LOXHD1: variants seen among roughly 807,000 people sequenced by gnomAD.
The protein encoded by LOXHD1 is lipoxygenase homology PLAT domains 1.
In LOXHD1, 205 loss-of-function variants were observed where a neutral mutation model predicts 248.2. The observed-to-expected ratio is 0.83, with a 90% CI of 0.74 to 0.93. The LOEUF (loss-of-function observed/expected upper bound fraction) is 0.93, where lower values mean the gene tolerates loss of function less well. Ranked by LOEUF, LOXHD1 falls within the 40% of genes least tolerant of loss-of-function variation. The pLI is 0.00. For synonymous variants in LOXHD1, 1,113 were observed against 1,162.8 expected (o/e 0.96, Z 0.87); for missense variants, 2,930 against 2,971.6 (o/e 0.99, Z 0.33).
intron 29 of LOXHD1, 30 bp downstream of exon 29, chr18:46,529,147 A>G: frequency 6.4e-7 from 1 of 1,551,040 alleles, no homozygotes; most frequent in Non-Finnish European, 8.7e-7. Flanking sequence ...AGAGGAGGGA[A>G]GGAGGGTAAA....
chr18:46,542,576 T>G, intron 24 of LOXHD1, 151 bp downstream of exon 24: 1 of 915,908 alleles, frequency 1.1e-6, no homozygotes, highest in Non-Finnish European at 1.6e-6. Context: ...GAGGACTCTC[T>G]CGGCTCTACT....
chr18:46,569,473 T>G lies in LOXHD1; in HGVS notation c.2213A>C (p.Glu738Ala), dbSNP rs1432153726. ...AATGTTCAGGGTCTCGAGGGTGAAC[T>G]CATCCACCCGGCCACGTTCAAAGTA... The part of the protein sequence containing the change: ...KDYFERGRVD[E>A]FTLETLNIGN... The change falls in exon 16 of 41, where the codon GAG becomes GCG. Residue 738 changes from glutamate to alanine, a missense_variant. Glu to Ala is a moderately radical substitution (Grantham distance 107). Coordinates refer to ENST00000642948, the MANE Select transcript of LOXHD1 (RefSeq NM_001384474.1). 6.4e-7 allele frequency: 1 copy of G among 1,552,072 alleles called. No homozygotes were observed. Among genetic ancestry groups the G allele is most frequent in the Non-Finnish European group, 8.7e-7 (1 of 1,147,096 alleles).
At chr18:46,498,809 G>T (rs757513002) in intron 37 of LOXHD1, among the ~76,000 whole-genome samples, 6 of 152,152 alleles carry the variant, frequency 3.9e-5, no homozygotes, top group Non-Finnish European at 8.8e-5. Context: ...CACATTCTGA[G>T]GTTCTTGGTG....
intron 3 of LOXHD1, among the ~76,000 whole-genome samples, chr18:46,641,007 C>G (rs2038956152): frequency 3.3e-5 from 5 of 152,130 alleles, no homozygotes; most frequent in Admixed American, 3.3e-4. Flanking sequence ...GGATGTATGC[C>G]TCTGTCTGGC....
intron 21 of LOXHD1, chr18:46,556,701 A>C (rs1186877303): frequency 5.7e-6 from 1 of 174,970 alleles, no homozygotes; most frequent in Non-Finnish European, 1.2e-5. Flanking sequence ...CTCGGATGTC[A>C]CAGCCAGCTC....
chr18:46,477,339 C>T lies in LOXHD1; in HGVS notation c.*133G>A, dbSNP rs1030665554. ...CTGGGGGTAGGGTGGGGAGCAGGAC[C>T]CCATGAAGTTCTCAGTGGACTGCTA... On this transcript the variant is annotated 3_prime_UTR_variant, in exon 41 of 41. Coordinates refer to ENST00000642948, the MANE Select transcript of LOXHD1 (RefSeq NM_001384474.1). The T allele has an allele frequency of 2.3e-5, 28 of 1,210,142 alleles. No homozygotes were observed. The highest frequency in any genetic ancestry group is 3.2e-5 in the Non-Finnish European group (27 of 841,670). 75.0% of individuals were successfully genotyped at this position (1,210,142 alleles called of 1,614,324 possible).
At chr18:46,558,386 A>C (rs1272474732) in intron 20 of LOXHD1, among the ~76,000 whole-genome samples, 1 of 152,258 alleles carries the variant, frequency 6.6e-6, no homozygotes, top group African/African-American at 2.4e-5. Context: ...TAACATCAAC[A>C]TAATGCTATT....
At chr18:46,606,135 T>TA (rs1490727726) in intron 6 of LOXHD1, among the ~76,000 whole-genome samples, 1 of 152,126 alleles carries the variant, frequency 6.6e-6, no homozygotes, top group African/African-American at 2.4e-5. Flanking sequence ...AGATGAGATT[T>TA]AAAAATAACT....
intron 37 of LOXHD1, among the ~76,000 whole-genome samples, chr18:46,504,269 C>T (rs1283564008): frequency 1.3e-5 from 2 of 152,118 alleles, no homozygotes. Flanking sequence ...CCACACTTGG[C>T]TAATGTTTGC....
intron 4 of LOXHD1, among the ~76,000 whole-genome samples, chr18:46,633,421 T>G (rs2038852502): frequency 6.6e-6 from 1 of 152,206 alleles, no homozygotes; most frequent in Admixed American, 6.5e-5. Flanking sequence ...GAATATCCAC[T>G]GCAAAAGAGT....
At chr18:46,481,965 G>A (rs937837253) in intron 40 of LOXHD1, among the ~76,000 whole-genome samples, 6 of 152,214 alleles carry the variant, frequency 3.9e-5, no homozygotes, top group Admixed American at 6.5e-5. Context: ...GTTTGCAGAT[G>A]AGCAGTATCA....
intron 5 of LOXHD1, among the ~76,000 whole-genome samples, chr18:46,612,504 A>C (rs1410625567): frequency 6.6e-6 from 1 of 152,102 alleles, no homozygotes; most frequent in Non-Finnish European, 1.5e-5. Context: ...TATTTTGGCC[A>C]TTTAGGCTTT....
intron 40 of LOXHD1, among the ~76,000 whole-genome samples, chr18:46,479,476 C>A (rs1390916581): frequency 1.3e-5 from 2 of 152,036 alleles, no homozygotes; most frequent in Admixed American, 1.3e-4. Context: ...TGGGAAAATG[C>A]TGCACAGGAT....
chr18:46,644,001 A>G (rs1472075011), intron 2 of LOXHD1, among the ~76,000 whole-genome samples: 1 of 152,258 alleles, frequency 6.6e-6, no homozygotes, highest in Non-Finnish European at 1.5e-5. Context: ...TTAAAAAATC[A>G]TGTCTAGATG....
At chr18:46,645,463 T>A (rs558635848) in intron 2 of LOXHD1, among the ~76,000 whole-genome samples, 1 of 152,228 alleles carries the variant, frequency 6.6e-6, no homozygotes, top group African/African-American at 2.4e-5. Context: ...TGGTGAATTT[T>A]CAACCAAATA....
rs149872731 is a variant in LOXHD1 at position 46,513,513 on chromosome 18, T to G, written c.5400-3698A>C. Among the ~76,000 whole-genome samples the G allele has an allele frequency of 6.2e-3, 940 of 152,024 alleles. 11 individuals carry two copies. The highest frequency in any genetic ancestry group is 0.022 in the African/African-American group (892 of 41,444). On this transcript the variant is annotated intron_variant, in intron 34 of 40. Coordinates refer to ENST00000642948, the MANE Select transcript of LOXHD1 (RefSeq NM_001384474.1). The stretch of plus-strand genomic sequence containing the variant: ...TTATAAGAAGGCAGAAAGAGAGAGA[T>G]CAACACATACACAAAAGAGGTGGGA...
intron 35 of LOXHD1, 123 bp downstream of exon 35, chr18:46,509,575 G>A (rs1009662728): frequency 1.3e-6 from 1 of 759,028 alleles, no homozygotes; most frequent in East Asian, 2.7e-5. Flanking sequence ...ATATGGGCTG[G>A]GTTCATGTAA....
chr18:46,479,236 ATGTGTGTG>A (rs10645069), intron 40 of LOXHD1, among the ~76,000 whole-genome samples: 8 of 142,782 alleles, frequency 5.6e-5, no homozygotes, highest in Non-Finnish European at 1.1e-4. Flanking sequence ...ATATATATGT[ATGTGTGTG>A]TGTGTGTGTG....
intron 13 of LOXHD1, among the ~76,000 whole-genome samples, chr18:46,578,798 C>G (rs1357361698): frequency 8.5e-5 from 13 of 152,252 alleles, no homozygotes; most frequent in Non-Finnish European, 7.3e-5. Context: ...CAGATCTGAC[C>G]TCAGAGACGG....
Sources: gnomAD v4.1 joint callset for allele counts (sites outside exome capture counted in the v4.1 genomes callset) on GRCh38, gnomAD v4.1.1 for gene constraint, MANE v1.5 for transcripts, NCBI Gene and HGNC (gene_info 2026-07-23, HGNC 2026-07-21) for gene names.